DOCK5: variants seen among roughly 807,000 people sequenced by gnomAD.
The protein encoded by DOCK5 is dedicator of cytokinesis protein 5.
DOCK5 carries 142 observed loss-of-function variants against 251.8 expected under a neutral mutation model. The observed-to-expected ratio is 0.56, with a 90% CI of 0.49 to 0.65. DOCK5 has a LOEUF of 0.65. Ranked by LOEUF, DOCK5 falls within the 30% of genes least tolerant of loss-of-function variation. The probability of loss-of-function intolerance (pLI) is 0.00; values close to 1 mark genes in which losing one functional copy is unlikely to be tolerated. For missense variants in DOCK5, 2,111 were observed against 2,312.3 expected, an observed-to-expected ratio of 0.91 and a Z score of 1.79; for synonymous variants, 842 against 835.5, an observed-to-expected ratio of 1.01 and a Z score of -0.13.
chr8:25,207,562 G>A (rs1184022584), intron 1 of DOCK5, among the ~76,000 whole-genome samples: 1 of 152,168 alleles, frequency 6.6e-6, no homozygotes, highest in Non-Finnish European at 1.5e-5. Context: ...AATCTACTCT[G>A]CCTGTGCTCT....
chr8:25,378,475 G>A (rs954656100), intron 38 of DOCK5, among the ~76,000 whole-genome samples: 2 of 152,198 alleles, frequency 1.3e-5, no homozygotes, highest in African/African-American at 4.8e-5. Context: ...TAATTTTGAA[G>A]TGTTTCCCAA....
intron 2 of DOCK5, among the ~76,000 whole-genome samples, chr8:25,249,834 C>A (rs1439713739): frequency 6.6e-6 from 1 of 152,232 alleles, no homozygotes; most frequent in East Asian, 1.9e-4. Flanking sequence ...AGTTCTCCTG[C>A]CTTGGCCTCC....
At chr8:25,373,441 G>A (rs565656681) in intron 35 of DOCK5, among the ~76,000 whole-genome samples, 177 bp from the exon 36 acceptor site, 2 of 152,212 alleles carry the variant, frequency 1.3e-5, no homozygotes, top group Admixed American at 6.5e-5. Context: ...TCACTCTTGT[G>A]CTTTTGCATC....
intron 1 of DOCK5, among the ~76,000 whole-genome samples, chr8:25,186,867 A>G (rs1468378887): frequency 4.6e-5 from 7 of 151,860 alleles, no homozygotes; most frequent in Admixed American, 3.9e-4. Flanking sequence ...TTTTGTTTTT[A>G]TGTTCTGGAG....
At chr8:25,190,562 A>C (rs2117439256) in intron 1 of DOCK5, among the ~76,000 whole-genome samples, 1 of 152,140 alleles carries the variant, frequency 6.6e-6, no homozygotes, top group East Asian at 1.9e-4. Flanking sequence ...GAATGTCAGA[A>C]AATAGAGATG....
intron 1 of DOCK5, among the ~76,000 whole-genome samples, chr8:25,223,676 A>T (rs1020485209): frequency 3.9e-5 from 6 of 152,218 alleles, no homozygotes; most frequent in African/African-American, 1.4e-4. Context: ...AGCGAGTGAT[A>T]AGAATGGTTT....
In DOCK5 at chr8:25,209,273, C is replaced by T. The variant is rs1802075625; in HGVS notation, c.43+24322C>T. Among the ~76,000 whole-genome samples the T allele has an allele frequency of 5.3e-5, 2 of 37,680 alleles. 1 individual carries two copies. Among genetic ancestry groups the T allele is most frequent in the Non-Finnish European group, 2.1e-4 (2 of 9,568 alleles). The allele number at this position is 37,680 out of a possible 152,430, so 24.7% of individuals were successfully genotyped here. On this transcript the variant is annotated intron_variant, in intron 1 of 51. Coordinates refer to ENST00000276440, the MANE Select transcript of DOCK5 (RefSeq NM_024940.8). The stretch of plus-strand genomic sequence containing the variant: ...AAAGTCATGCATGGCGGGTCTTGCC[C>T]GAGGCTCAGGCAGACACACAATGAG...
At chr8:25,311,349 C>A (rs572311628) in intron 13 of DOCK5, among the ~76,000 whole-genome samples, 77 of 151,550 alleles carry the variant, frequency 5.1e-4, no homozygotes, top group Non-Finnish European at 9.7e-4. Context: ...CGAGACCATC[C>A]TGGCAAAGAT....
intron 47 of DOCK5, among the ~76,000 whole-genome samples, chr8:25,402,584 C>A (rs377160964): frequency 1.3e-4 from 19 of 151,788 alleles, no homozygotes; most frequent in African/African-American, 4.1e-4. Context: ...GTGTGAGCCA[C>A]CGCGCCCGGC....
intron 15 of DOCK5, 36 bp from the exon 16 acceptor site, chr8:25,320,944 G>T: frequency 1.9e-6 from 3 of 1,573,650 alleles, no homozygotes; most frequent in Non-Finnish European, 2.6e-6. Context: ...AAAGTACTGT[G>T]TGTCTGTAAA....
Position 25,323,421 on chromosome 8 carries a change from T to A in DOCK5, c.1616-427T>A, listed in dbSNP as rs1403789224. ...AAACCTCATTCCAACATAGAGAATG[T>A]GTTTGGTGGGAGAGCCTAGAGACAG... On this transcript the variant is annotated intron_variant, in intron 16 of 51. Transcript: ENST00000276440. Among the ~76,000 whole-genome samples, 3 of 152,164 alleles carry A rather than the reference T, an allele frequency of 2.0e-5. No individual in the cohort carries two copies. The East Asian group carries it at 5.8e-4, about 29-fold the overall frequency.
At chr8:25,209,913 C>T (rs1376171448) in intron 1 of DOCK5, among the ~76,000 whole-genome samples, 3 of 63,380 alleles carry the variant, frequency 4.7e-5, no homozygotes, top group South Asian at 4.3e-4. Flanking sequence ...GTCTCAGCCT[C>T]GCTCTGTTGC....
At chr8:25,246,996 C>G (rs1803134624) in intron 2 of DOCK5, among the ~76,000 whole-genome samples, 1 of 151,984 alleles carries the variant, frequency 6.6e-6, no homozygotes, top group South Asian at 2.1e-4. Context: ...AAGCTATCCT[C>G]TTGCCTCAGC....
chr8:25,374,651 G>T lies in DOCK5; in HGVS notation c.3813G>T (p.Leu1271=). The T allele has an allele frequency of 1.2e-6, 2 of 1,613,882 alleles. No homozygotes were observed. The highest frequency in any genetic ancestry group is 1.7e-6 in the Non-Finnish European group (2 of 1,179,838). Residue 1271 remains leucine, a synonymous_variant, in exon 37 of 52, where the codon CTG becomes CTT. Transcript: ENST00000276440. ...CGCTTCTCTTGCACGCTGAGCTTCT[G>T]CAGGTGAATGGCTCAGAGAGCTTGT... ...AYTLLLHAEL[L]QWSDKPCVPH... is the part of the protein sequence containing the mutation.
intron 13 of DOCK5, among the ~76,000 whole-genome samples, chr8:25,313,660 A>G (rs1255996427): frequency 1.3e-5 from 2 of 152,170 alleles, no homozygotes; most frequent in East Asian, 3.9e-4. Flanking sequence ...TGGAAATTCA[A>G]CACCAAGGTG....
intron 1 of DOCK5, among the ~76,000 whole-genome samples, chr8:25,221,371 C>T (rs1482543835): frequency 1.3e-5 from 2 of 152,172 alleles, no homozygotes. Context: ...TACAGTGGCA[C>T]AGTCTGGGCT....
chr8:25,268,959 C>T (rs1803836185), intron 3 of DOCK5, 74 bp downstream of exon 3: 4 of 1,261,714 alleles, frequency 3.2e-6, no homozygotes, highest in African/African-American at 1.5e-5. Context: ...ATGTGACCCT[C>T]TCCTCTGCTC....
chr8:25,289,102 A>G (rs76208607), intron 5 of DOCK5, among the ~76,000 whole-genome samples: 1 of 7,314 alleles, frequency 1.4e-4, no homozygotes, highest in Non-Finnish European at 3.8e-3. Context: ...AGTTTTGTTC[A>G]TTGCCCCCTA....
chr8:25,303,508 C>T (rs1265622112), intron 10 of DOCK5, among the ~76,000 whole-genome samples: 1 of 152,174 alleles, frequency 6.6e-6, no homozygotes, highest in Non-Finnish European at 1.5e-5. Flanking sequence ...CCAGCATCTT[C>T]CTCTGTAGTT....
Sources: gnomAD v4.1 joint callset for allele counts (sites outside exome capture counted in the v4.1 genomes callset) on GRCh38, gnomAD v4.1.1 for gene constraint, MANE v1.5 for transcripts, NCBI Gene and HGNC (gene_info 2026-07-23, HGNC 2026-07-21) for gene names.